ARHGAP12: variants seen among roughly 807,000 people sequenced by gnomAD.
ARHGAP12 encodes the protein rho GTPase-activating protein 12.
In ARHGAP12, 64 loss-of-function variants were observed where a neutral mutation model predicts 108.6. That is an observed-to-expected ratio of 0.59 (90% CI 0.48 to 0.73). The LOEUF (loss-of-function observed/expected upper bound fraction) is 0.73, where lower values mean the gene tolerates loss of function less well. ARHGAP12 is among the 30% of genes least tolerant of loss of function. The pLI, the probability that ARHGAP12 is intolerant of heterozygous loss-of-function variation, is 0.00. For synonymous variants in ARHGAP12, 312 were observed against 337.2 expected (o/e 0.93, Z 0.82); for missense variants, 940 against 1,005.9 (o/e 0.93, Z 0.89).
intron 3 of ARHGAP12, among the ~76,000 whole-genome samples, chr10:31,882,535 C>T (rs1711585555): frequency 6.6e-6 from 1 of 152,124 alleles, no homozygotes; most frequent in Non-Finnish European, 1.5e-5. Flanking sequence ...AGAAACTAGG[C>T]TGGGTGCAGA....
Position 31,908,189 on chromosome 10 carries a change from A to AGCT in ARHGAP12, c.664_666dup (p.Ser223dup). 6.2e-7 allele frequency: 1 copy of AGCT among 1,604,818 alleles called. No homozygotes were observed. Among genetic ancestry groups the AGCT allele is most frequent in the South Asian group, 1.1e-5 (1 of 89,532 alleles). On this transcript the variant is annotated inframe_insertion, in exon 3 of 20. Transcript: ENST00000344936. ...AATCTTACCCTTATCTGTTCAGTGG[A>AGCT]GCTGCTGCTAAGTTCATCACCAGAT...
At chr10:31,871,955 T>C (rs1276925374) in intron 3 of ARHGAP12, among the ~76,000 whole-genome samples, 2 of 152,236 alleles carry the variant, frequency 1.3e-5, no homozygotes, top group Non-Finnish European at 2.9e-5. Flanking sequence ...TTTTCTTTCA[T>C]GCCCTCACGC....
In ARHGAP12 at chr10:31,807,600, A is replaced by G. The variant is rs1312451271; in HGVS notation, c.*58T>C. The G allele has an allele frequency of 6.6e-7, 1 of 1,522,270 alleles. No homozygotes were observed. The highest frequency in any genetic ancestry group is 1.3e-5 in the South Asian group (1 of 79,726). 94.3% of individuals were successfully genotyped at this position (1,522,270 alleles called of 1,614,324 possible). ...CCAAAAAATAAAATACATTGTGTAT[A>G]AACATTTGAAATCTGATGGAATCCA... is the stretch of plus-strand genomic sequence containing the variant. On this transcript the variant is annotated 3_prime_UTR_variant, in exon 20 of 20. Coordinates refer to ENST00000344936, the MANE Select transcript of ARHGAP12 (RefSeq NM_018287.7).
intron 3 of ARHGAP12, among the ~76,000 whole-genome samples, chr10:31,904,659 C>A (rs1839055147): frequency 6.6e-6 from 1 of 152,140 alleles, no homozygotes; most frequent in South Asian, 2.1e-4. Context: ...CAGGGTCTCA[C>A]TCTGTTGCCC....
intron 10 of ARHGAP12, among the ~76,000 whole-genome samples, chr10:31,829,800 A>T (rs1464857385): frequency 6.6e-6 from 1 of 152,232 alleles, no homozygotes; most frequent in Non-Finnish European, 1.5e-5. Flanking sequence ...CACTACAACT[A>T]ACCCTCAACA....
chr10:31,829,439 G>A (rs1490822010), intron 10 of ARHGAP12, among the ~76,000 whole-genome samples: 2 of 151,856 alleles, frequency 1.3e-5, no homozygotes, highest in African/African-American at 4.8e-5. Context: ...CCACTGAGAT[G>A]TACACTTAAA....
At chr10:31,901,687 G>A (rs1224030859) in intron 3 of ARHGAP12, among the ~76,000 whole-genome samples, 1 of 152,024 alleles carries the variant, frequency 6.6e-6, no homozygotes, top group East Asian at 1.9e-4. Flanking sequence ...TCTAGTTAAT[G>A]AAGTCATAGT....
chr10:31,885,526 A>C (rs1016539425), intron 3 of ARHGAP12, among the ~76,000 whole-genome samples: 24 of 152,114 alleles, frequency 1.6e-4, no homozygotes, highest in Non-Finnish European at 1.5e-4. Context: ...GCTATATAAA[A>C]ACAGACAAAT....
intron 3 of ARHGAP12, among the ~76,000 whole-genome samples, chr10:31,870,644 T>G (rs2132333796): frequency 6.6e-6 from 1 of 152,326 alleles, no homozygotes; most frequent in South Asian, 2.1e-4. Flanking sequence ...AAAACAGGAC[T>G]AAAACTGGTT....
intron 9 of ARHGAP12, among the ~76,000 whole-genome samples, chr10:31,832,808 T>A (rs1478186412): frequency 6.6e-6 from 1 of 152,188 alleles, no homozygotes; most frequent in African/African-American, 2.4e-5. Context: ...TTTTTACCAA[T>A]GTCTGAAAGT....
rs1043888894 is a variant in ARHGAP12 at position 31,879,555 on chromosome 10, CCT to C, written c.685-17899_685-17898del. Among the ~76,000 whole-genome samples the C allele has an allele frequency of 5.9e-5, 9 of 152,062 alleles. No individual in the cohort carries two copies. In the South Asian group the frequency reaches 1.2e-3, roughly 21 times the overall value. On this transcript the variant is annotated intron_variant, in intron 3 of 19. Transcript: ENST00000344936. The stretch of plus-strand genomic sequence containing the variant: ...AAAGAGACAAAATACAGAATTTCTA[CCT>C]CTCAAAATTGTTTAACTTATTTAAC...
At chr10:31,809,828 T>C (rs950258016) in intron 16 of ARHGAP12, 2 of 152,484 alleles carry the variant, frequency 1.3e-5, no homozygotes, top group African/African-American at 2.4e-5. Context: ...TTTTCTTTTA[T>C]ATGTGAAACA....
At chr10:31,831,417 G>A (rs1266034028) in intron 10 of ARHGAP12, among the ~76,000 whole-genome samples, 1 of 152,046 alleles carries the variant, frequency 6.6e-6, no homozygotes, top group Non-Finnish European at 1.5e-5. Flanking sequence ...CCGGCTGGGG[G>A]ATTGACTTTT....
chr10:31,896,723 T>A (rs1221444240), intron 3 of ARHGAP12, among the ~76,000 whole-genome samples: 2 of 152,162 alleles, frequency 1.3e-5, no homozygotes, highest in African/African-American at 4.8e-5. Flanking sequence ...AGATACAAGA[T>A]GAACATGAAA....
At chr10:31,865,308 C>T (rs1159736071) in intron 3 of ARHGAP12, among the ~76,000 whole-genome samples, 1 of 152,018 alleles carries the variant, frequency 6.6e-6, no homozygotes, top group Non-Finnish European at 1.5e-5. Flanking sequence ...TAGGACAAGA[C>T]AGTAGGAATG....
intron 10 of ARHGAP12, among the ~76,000 whole-genome samples, chr10:31,828,129 A>G (rs1027387599): frequency 1.3e-5 from 2 of 151,942 alleles, no homozygotes; most frequent in Non-Finnish European, 2.9e-5. Flanking sequence ...TACTACTTTC[A>G]TAATGCTTTA....
Position 31,806,273 on chromosome 10 carries a change from T to G in ARHGAP12, c.*1385A>C, listed in dbSNP as rs946310278. ...CCAGTAAATGAAAAAACAAAAAAAT[T>G]AGAAACCAAAATGCACATTTCCAAT... On this transcript the variant is annotated 3_prime_UTR_variant, in exon 20 of 20. Transcript: ENST00000344936. 6.6e-6 allele frequency: 1 copy of G among 152,386 alleles called. No homozygotes were observed. The highest frequency in any genetic ancestry group is 2.4e-5 in the African/African-American group (1 of 41,420). 9.4% of individuals were successfully genotyped at this position (152,386 alleles called of 1,614,324 possible). A position where few individuals can be genotyped will look rare whatever the true frequency, so the allele number is the denominator to read the frequency against.
At chr10:31,894,452 T>C (rs1162765965) in intron 3 of ARHGAP12, among the ~76,000 whole-genome samples, 1 of 151,806 alleles carries the variant, frequency 6.6e-6, no homozygotes, top group South Asian at 2.1e-4. Flanking sequence ...TATACACCAA[T>C]AACAGACAAA....
At chr10:31,850,001 T>C (rs189565107) in intron 6 of ARHGAP12, among the ~76,000 whole-genome samples, 20 of 152,296 alleles carry the variant, frequency 1.3e-4, no homozygotes, top group African/African-American at 3.4e-4. Context: ...AAATTATTCC[T>C]GATATTAGGC....
Sources: allele counts gnomAD v4.1 joint callset (sites outside exome capture counted in the v4.1 genomes callset), GRCh38; gene constraint gnomAD v4.1.1; transcripts MANE v1.5; gene names NCBI Gene and HGNC (gene_info 2026-07-23, HGNC 2026-07-21).